DALRD3: variants seen among roughly 807,000 people sequenced by gnomAD.
DALRD3 encodes DALR anticodon-binding domain-containing protein 3.
Under a neutral mutation model 56.7 loss-of-function variants are expected in DALRD3, and 47 were observed. The observed-to-expected ratio is 0.83, with a 90% CI of 0.66 to 1.06. The LOEUF (loss-of-function observed/expected upper bound fraction) is 1.06. Ranked by LOEUF, DALRD3 falls within the 50% of genes least tolerant of loss-of-function variation. The pLI is 0.00. For missense variants in DALRD3, 787 were observed against 724.0 expected (o/e 1.09, Z -1.00); for synonymous variants, 347 against 308.5 (o/e 1.12, Z -1.31).
chr3:49,021,395 A>G (rs2093155422), upstream of DALRD3: 1 of 152,722 alleles, frequency 6.5e-6, no homozygotes, highest in Admixed American at 6.5e-5. This position sits in a 1 kb window ranked among gnomAD's most constrained non-coding sequence, Gnocchi z 4.1. Context: ...GTGAACGAGG[A>G]CAAGGTGATG....
Position 49,017,833 on chromosome 3 carries a change from C to A in DALRD3, c.498G>T (p.Pro166=). 6.2e-7 allele frequency: 1 copy of A among 1,608,618 alleles called. No homozygotes were observed. Among genetic ancestry groups the A allele is most frequent in the Non-Finnish European group, 8.5e-7 (1 of 1,179,764 alleles). The change falls in exon 3 of 12, where the codon CCG becomes CCT. Residue 166 remains proline, a synonymous_variant. Transcript: ENST00000341949. ...GTTGCTGCAGGAAGGTCAGCATGTG[C>A]GGATCCCGCACAGCTGGCACTAGGC... ...CVRLVPAVRD[P]HMLTFLQQLR...
upstream of DALRD3, chr3:49,020,814 G>C: frequency 5.2e-6 from 2 of 383,152 alleles, no homozygotes; most frequent in Non-Finnish European, 1.1e-5. Context: ...AGTAGGTTGT[G>C]AAACGGAGTC....
Position 49,016,798 on chromosome 3 carries a change from AGAGT to A in DALRD3, c.973_976del (p.Thr325Ter), listed in dbSNP as rs2093083509. 6.2e-7 allele frequency: 1 copy of A among 1,614,220 alleles called. No homozygotes were observed. The highest frequency in any genetic ancestry group is 8.5e-7 in the Non-Finnish European group (1 of 1,180,024). On this transcript the variant is annotated frameshift_variant, in exon 6 of 12. Coordinates refer to ENST00000341949, the MANE Select transcript of DALRD3 (RefSeq NM_001009996.3). LOFTEE classifies it high-confidence loss of function. ...CTCGTAGTACTCAGGGGCAGTCATCAGAGTGCCAGGTGCACCAGCTACTTTCACA... is the reference window on the plus strand; with the variant it reads ...CTCGTAGTACTCAGGGGCAGTCATCAGCCAGGTGCACCAGCTACTTTCACA...
chr3:49,017,979 C>A, intron 2 of DALRD3, 44 bp downstream of exon 2: 3 of 1,486,740 alleles, frequency 2.0e-6, no homozygotes, highest in Non-Finnish European at 2.7e-6. Context: ...TCTAGGTACC[C>A]GGCAGTCCCA....
chr3:49,017,975 T>C (rs368553099), intron 2 of DALRD3, 48 bp downstream of exon 2: 3 of 1,489,228 alleles, frequency 2.0e-6, no homozygotes, highest in Non-Finnish European at 2.7e-6. Flanking sequence ...GCTTTCTAGG[T>C]ACCCGGCAGT....
chr3:49,021,399 GGTGAT>G (rs1559911267), upstream of DALRD3: 1 of 152,736 alleles, frequency 6.5e-6, no homozygotes, highest in African/African-American at 2.4e-5. This position sits in a 1 kb window ranked among gnomAD's most constrained non-coding sequence, Gnocchi z 4.1. Flanking sequence ...ACGAGGACAA[GGTGAT>G]GCTCCACGCG....
In DALRD3 at chr3:49,018,115, T is replaced by G; in HGVS notation, c.369A>C (p.Pro123=). 6.7e-7 allele frequency: 1 copy of G among 1,482,200 alleles called. No individual in the cohort carries two copies. The highest frequency in any genetic ancestry group is 8.9e-7 in the Non-Finnish European group (1 of 1,125,914). The allele number at this position is 1,482,200 out of a possible 1,614,324, so 91.8% of individuals were successfully genotyped here. The change falls in exon 2 of 12, where the codon CCA becomes CCC. Residue 123 remains proline, a synonymous_variant. Coordinates refer to ENST00000341949, the MANE Select transcript of DALRD3 (RefSeq NM_001009996.3). ...GTGCGCAGGGGGAGCTGCGCAGTGC[T>G]GGGCAGTGTAGTAAGACGCGCTGGC... ...SLGQRVLLHC[P]ALRSSPCALR...
upstream of DALRD3, chr3:49,020,829 G>A (rs904860485): frequency 1.1e-5 from 4 of 363,026 alleles, no homozygotes; most frequent in African/African-American, 6.4e-5. Flanking sequence ...GGAGTCTAGA[G>A]GGAACAAGAC....
upstream of DALRD3, chr3:49,019,095 C>T: frequency 1.2e-5 from 11 of 928,130 alleles, no homozygotes; most frequent in Non-Finnish European, 1.4e-5. Flanking sequence ...TTGTTTGAGA[C>T]GGAGTCTTGC....
chr3:49,020,007 A>G (rs1575298819), upstream of DALRD3: 5 of 379,074 alleles, frequency 1.3e-5, no homozygotes, highest in East Asian at 7.0e-5. Flanking sequence ...CTCACCCCCC[A>G]CCCCACCCCC....
upstream of DALRD3, among the ~76,000 whole-genome samples, chr3:49,019,570 C>T (rs557648863): frequency 2.0e-5 from 3 of 151,434 alleles, no homozygotes; most frequent in African/African-American, 7.3e-5. Context: ...ACCTCCCCCT[C>T]CCGGGTTCAA....
chr3:49,018,462 G>T lies in DALRD3; in HGVS notation c.103C>A (p.Leu35Met). 6.3e-7 allele frequency: 1 copy of T among 1,589,602 alleles called. No homozygotes were observed. ...GGTGCCAGAAAGTCTCGGGAACGCA[G>T]GTGGCGGGTGCGCGTCTCCTTGATC... ...VWIKETRTRH[L>M]RSRDFLAPHR... Residue 35 changes from leucine to methionine, a missense_variant, in exon 1 of 12, where the codon CTG (leucine) becomes ATG (methionine). Physicochemically the swap from Leu to Met is conservative, Grantham distance 15. Coordinates refer to ENST00000341949, the MANE Select transcript of DALRD3 (RefSeq NM_001009996.3).
In DALRD3 at chr3:49,016,357, C is replaced by G; in HGVS notation, c.1147-17G>C. 1 of 1,605,630 alleles carries G rather than the reference C, an allele frequency of 6.2e-7. No individual in the cohort carries two copies. The highest frequency in any genetic ancestry group is 8.5e-7 in the Non-Finnish European group (1 of 1,174,068). The stretch of plus-strand genomic sequence containing the variant: ...CAGGAAGAGCTGGGGAATAGAAGCA[C>G]AGCTGCAGAGAGAGAAGGCAGCCAC... On this transcript the variant is annotated splice_polypyrimidine_tract_variant and intron_variant, in intron 8 of 11. Transcript: ENST00000341949.
rs1252216937 is a variant in DALRD3 at position 49,016,520 on chromosome 3, G to C, written c.1064-9C>G. 6.2e-7 allele frequency: 1 copy of C among 1,612,394 alleles called. No homozygotes were observed. The highest frequency in any genetic ancestry group is 8.5e-7 in the Non-Finnish European group (1 of 1,179,334). On this transcript the variant is annotated splice_polypyrimidine_tract_variant and intron_variant, in intron 7 of 11. Transcript: ENST00000341949. Reference sequence around the variant, plus strand: ...CTCTGTCCAGGCTGGGTCTGAGGGAGTATAGGGTTGGTCAGTCAGTCTGCA... The same window carrying C: ...CTCTGTCCAGGCTGGGTCTGAGGGACTATAGGGTTGGTCAGTCAGTCTGCA...
upstream of DALRD3, chr3:49,020,788 A>C: frequency 2.5e-6 from 1 of 406,548 alleles, no homozygotes; most frequent in South Asian, 1.8e-5. Flanking sequence ...CCCCAGTCCC[A>C]GGAGGAAGAC....
chr3:49,017,292 T>A lies in DALRD3; in HGVS notation c.863A>T (p.Glu288Val). Residue 288 changes from glutamate (E) to valine (V), a missense_variant, in exon 5 of 12, where the codon GAG (glutamate) becomes GTG (valine). Coordinates refer to ENST00000341949, the MANE Select transcript of DALRD3 (RefSeq NM_001009996.3). ...CAGGTCCAACTTCTGTTGCTGGAAC[T>A]CCTCCTCACAGCTAACAACATGTAC... Reference protein sequence around the residue: ...LVVHVVSCEEEFQQQKLDLLW... With the variant: ...LVVHVVSCEEVFQQQKLDLLW... The A allele has an allele frequency of 6.2e-7, 1 of 1,614,088 alleles. No homozygotes were observed. The highest frequency in any genetic ancestry group is 8.5e-7 in the Non-Finnish European group (1 of 1,179,940).
upstream of DALRD3, chr3:49,018,666 A>C (rs868434716): frequency 7.0e-7 from 1 of 1,434,280 alleles, no homozygotes; most frequent in African/African-American, 1.5e-5. Flanking sequence ...TGGTCCCCGT[A>C]AGTGGACAGG....
rs1207757324 is a variant in DALRD3, at chr3:49,018,292, G to A, written c.192C>T (p.Leu64=). The part of the protein sequence containing the change: ...GQVPEHLLHA[L]ACLQGPGVAP... ...CCACACCGGGGCCCTGCAGGCAGGC[G>A]AGGGCATGGAGCAAATGCTCCGGAA... The change falls in exon 2 of 12, where the codon CTC becomes CTT. Residue 64 remains leucine, a synonymous_variant. Coordinates refer to ENST00000341949, the MANE Select transcript of DALRD3 (RefSeq NM_001009996.3). 1 of 1,454,600 alleles carries A rather than the reference G, an allele frequency of 6.9e-7. No individual in the cohort carries two copies. The allele number at this position is 1,454,600 out of a possible 1,614,324, so 90.1% of individuals were successfully genotyped here. A position where few individuals can be genotyped will look rare whatever the true frequency, so the allele number is the denominator to read the frequency against.
At position 49,016,075 on chromosome 3, in the gene DALRD3, C is replaced by G. The variant is rs755641841; in HGVS notation, c.1341G>C (p.Leu447Phe). Residue 447 changes from leucine (L) to phenylalanine (F), a missense_variant, in exon 10 of 12, where the codon TTG becomes TTC. By Grantham distance (22) the Leu-to-Phe change is conservative (BLOSUM62 0). Transcript: ENST00000341949. ...FSLLHDEGEWLLLFNSILPFP... is the reference protein window; with the variant it reads ...FSLLHDEGEWFLLFNSILPFP... Reference sequence around the variant, plus strand: ...AGGGGAGGATACTGTTGAAGAGCAACAACCACTCACCCTGTTGGGGAGAAA... The same window carrying G: ...AGGGGAGGATACTGTTGAAGAGCAAGAACCACTCACCCTGTTGGGGAGAAA... The G allele has an allele frequency of 6.9e-6, 11 of 1,602,478 alleles. No homozygotes were observed. Among genetic ancestry groups the G allele is most frequent in the Non-Finnish European group, 9.4e-6 (11 of 1,172,154 alleles).
Sources: gnomAD v4.1 joint callset for allele counts (sites outside exome capture counted in the v4.1 genomes callset) on GRCh38, gnomAD v4.1.1 for gene constraint, Gnocchi (gnomAD v3.1) non-coding constraint, MANE v1.5 for transcripts, NCBI Gene and HGNC (gene_info 2026-07-23, HGNC 2026-07-21) for gene names.